SMYD3: variants seen among roughly 807,000 people sequenced by gnomAD.
SMYD3 encodes the protein histone-lysine N-methyltransferase SMYD3.
A neutral mutation model predicts 57.7 loss-of-function variants in SMYD3; 36 were observed. The ratio of observed to expected loss-of-function variants is 0.62; its 90% CI spans 0.48 to 0.82. The LOEUF is 0.82. Ranked by LOEUF, SMYD3 falls within the 40% of genes least tolerant of loss-of-function variation. The pLI, the probability that SMYD3 is intolerant of heterozygous loss-of-function variation, is 0.00. For synonymous variants in SMYD3, 211 were observed against 195.0 expected (o/e 1.08, Z -0.68); for missense variants, 515 against 538.8 (o/e 0.96, Z 0.44).
At chr1:246,198,597 T>A (rs1430996384) in intron 5 of SMYD3, among the ~76,000 whole-genome samples, 2 of 152,212 alleles carry the variant, frequency 1.3e-5, no homozygotes, top group Non-Finnish European at 2.9e-5. Flanking sequence ...ATACAGCAAT[T>A]GCAGTGGCTT....
chr1:246,226,348 C>G (rs1359962218), intron 5 of SMYD3, among the ~76,000 whole-genome samples: 2 of 152,166 alleles, frequency 1.3e-5, no homozygotes, highest in Non-Finnish European at 2.9e-5. Flanking sequence ...AAATATCATT[C>G]TTTTAAATTT....
chr1:246,384,634 T>C (rs1268111648), intron 1 of SMYD3, among the ~76,000 whole-genome samples: 1 of 152,174 alleles, frequency 6.6e-6, no homozygotes, highest in Non-Finnish European at 1.5e-5. Context: ...TCACCTCAAG[T>C]GATCTGCCCG....
At chr1:245,784,943 G>C (rs1323207845) in intron 10 of SMYD3, among the ~76,000 whole-genome samples, 2 of 147,592 alleles carry the variant, frequency 1.4e-5, no homozygotes, top group Non-Finnish European at 3.0e-5. Flanking sequence ...TCCGCCTCCC[G>C]GGTTCAAGGG....
At chr1:246,506,989 G>GCCCCCCCCCCCCCC (rs1182642267) in intron 1 of SMYD3, 65 bp downstream of exon 1, 47 of 650,528 alleles carry the variant, frequency 7.2e-5, no homozygotes, top group African/African-American at 2.5e-4. Flanking sequence ...GCCGCCCGAC[G>GCCCCCCCCCCCCCC]CCCCCCCCTC....
chr1:246,027,043 G>A (rs1161437414), intron 5 of SMYD3, among the ~76,000 whole-genome samples: 1 of 152,198 alleles, frequency 6.6e-6, no homozygotes, highest in Non-Finnish European at 1.5e-5. Flanking sequence ...GAGAAAGTCT[G>A]AGTGATCTGG....
intron 5 of SMYD3, among the ~76,000 whole-genome samples, chr1:246,256,157 C>A (rs1398864794): frequency 6.6e-6 from 1 of 152,046 alleles, no homozygotes; most frequent in Non-Finnish European, 1.5e-5. Context: ...GTCTGATGGT[C>A]GAGGGCAGGA....
At chr1:246,287,968 T>C (rs1305213931) in intron 5 of SMYD3, among the ~76,000 whole-genome samples, 3 of 151,702 alleles carry the variant, frequency 2.0e-5, no homozygotes, top group African/African-American at 4.8e-5. Flanking sequence ...CTTGGAACGT[T>C]ACACGGCCTG....
chr1:246,326,579 T>C (rs1263867016), intron 5 of SMYD3, among the ~76,000 whole-genome samples: 1 of 145,796 alleles, frequency 6.9e-6, no homozygotes, highest in Non-Finnish European at 1.5e-5. Flanking sequence ...TTCAAGACCA[T>C]CCGTCTCTAC....
intron 5 of SMYD3, among the ~76,000 whole-genome samples, chr1:246,164,837 T>C (rs1254297374): frequency 1.3e-5 from 2 of 152,248 alleles, no homozygotes; most frequent in African/African-American, 4.8e-5. Context: ...TCCGTTCATT[T>C]ACTTAACATA....
intron 1 of SMYD3, among the ~76,000 whole-genome samples, chr1:246,471,686 TC>T (rs2067963599): frequency 6.6e-6 from 1 of 152,364 alleles, no homozygotes; most frequent in East Asian, 1.9e-4. Flanking sequence ...TGCTTACTGT[TC>T]CACTCGGATT....
At chr1:245,853,151 G>A (rs948469277) in intron 10 of SMYD3, among the ~76,000 whole-genome samples, 2 of 152,212 alleles carry the variant, frequency 1.3e-5, no homozygotes, top group African/African-American at 4.8e-5. Flanking sequence ...TACGTGGAAA[G>A]AATGTTGGAT....
chr1:246,256,835 T>A (rs2063903725), intron 5 of SMYD3, among the ~76,000 whole-genome samples: 1 of 152,214 alleles, frequency 6.6e-6, no homozygotes, highest in Non-Finnish European at 1.5e-5. Flanking sequence ...AACACTACTT[T>A]TGCTGCATCC....
At chr1:245,855,391 G>A (rs1365104291) in intron 10 of SMYD3, among the ~76,000 whole-genome samples, 2 of 152,086 alleles carry the variant, frequency 1.3e-5, no homozygotes, top group Non-Finnish European at 2.9e-5. Context: ...GGGTTAGTCT[G>A]GAGACATCAC....
intron 5 of SMYD3, among the ~76,000 whole-genome samples, chr1:246,249,943 T>C (rs538593723): frequency 6.6e-6 from 1 of 152,376 alleles, no homozygotes; most frequent in South Asian, 2.1e-4. Flanking sequence ...GTCTGTTCCA[T>C]GTTAGCTTAC....
At chr1:246,337,410 T>C (rs1270176046) in intron 2 of SMYD3, among the ~76,000 whole-genome samples, 1 of 152,208 alleles carries the variant, frequency 6.6e-6, no homozygotes, top group Non-Finnish European at 1.5e-5. Context: ...TTTTTTCACC[T>C]GGTCTTTGTA....
intron 5 of SMYD3, among the ~76,000 whole-genome samples, chr1:246,027,835 T>A (rs1464642092): frequency 6.6e-6 from 1 of 152,240 alleles, no homozygotes; most frequent in African/African-American, 2.4e-5. Flanking sequence ...ATAGCTGCCA[T>A]CAATATTGAT....
intron 4 of SMYD3, among the ~76,000 whole-genome samples, chr1:246,328,796 C>T (rs924498336): frequency 5.3e-5 from 8 of 151,946 alleles, no homozygotes; most frequent in African/African-American, 1.5e-4. Context: ...CCCATTAACT[C>T]GTCACTTAGC....
chr1:246,300,008 A>T (rs2064865330), intron 5 of SMYD3, among the ~76,000 whole-genome samples: 1 of 151,464 alleles, frequency 6.6e-6, no homozygotes, highest in African/African-American at 2.4e-5. Context: ...CCCTGAACTT[A>T]AAATTAAAGT....
intron 10 of SMYD3, among the ~76,000 whole-genome samples, chr1:245,798,471 CATACACAACACA>C (rs2047689612): frequency 3.5e-5 from 1 of 28,366 alleles, no homozygotes. Context: ...CATACACACA[CATACACAACACA>C]CCACACACAC....
Sources: allele counts gnomAD v4.1 joint callset (sites outside exome capture counted in the v4.1 genomes callset), GRCh38; gene constraint gnomAD v4.1.1; transcripts MANE v1.5; gene names NCBI Gene and HGNC (gene_info 2026-07-23, HGNC 2026-07-21).